PDGFC: variants seen among roughly 807,000 people sequenced by gnomAD.
PDGFC encodes platelet derived growth factor C, also known as platelet-derived growth factor C.
A neutral mutation model predicts 35.5 loss-of-function variants in PDGFC; 12 were observed. The ratio of observed to expected loss-of-function variants is 0.34; its 90% CI spans 0.22 to 0.55. The LOEUF (loss-of-function observed/expected upper bound fraction) is 0.55, where lower values mean the gene tolerates loss of function less well. PDGFC is among the 20% of genes least tolerant of loss of function. The pLI, the probability that PDGFC is intolerant of heterozygous loss-of-function variation, is 0.91. For missense variants in PDGFC, 322 were observed against 412.4 expected (o/e 0.78, Z 1.90); for synonymous variants, 159 against 148.8 (o/e 1.07, Z -0.50).
chr4:156,958,228 T>G (rs1382012215), intron 1 of PDGFC, among the ~76,000 whole-genome samples: 5 of 151,730 alleles, frequency 3.3e-5, no homozygotes, highest in African/African-American at 4.8e-5. Flanking sequence ...ACCTAAGGCA[T>G]AGAAGTGTGA....
chr4:156,798,543 T>A (rs1308645790), intron 3 of PDGFC, among the ~76,000 whole-genome samples: 1 of 152,046 alleles, frequency 6.6e-6, no homozygotes, highest in Admixed American at 6.6e-5. Context: ...GAAGTGAGAG[T>A]TCTTCATATT....
intron 3 of PDGFC, among the ~76,000 whole-genome samples, chr4:156,792,659 A>G (rs142594325): frequency 9.4e-4 from 143 of 152,326 alleles, no homozygotes; most frequent in East Asian, 8.7e-3. Context: ...CTAAAGGCCA[A>G]TTCCACGTAG....
chr4:156,951,742 AAAAAC>A (rs1732088653), intron 1 of PDGFC, among the ~76,000 whole-genome samples: 1 of 151,368 alleles, frequency 6.6e-6, no homozygotes, highest in Non-Finnish European at 1.5e-5. Context: ...AAAAAAAAAA[AAAAAC>A]AAAAAACCCT....
intron 2 of PDGFC, among the ~76,000 whole-genome samples, chr4:156,847,008 TAATAA>T (rs1298712082): frequency 1.3e-5 from 2 of 151,404 alleles, no homozygotes; most frequent in Non-Finnish European, 3.0e-5. Flanking sequence ...ATAACACAAA[TAATAA>T]AATAAATATT....
intron 1 of PDGFC, among the ~76,000 whole-genome samples, chr4:156,905,890 T>C (rs923890833): frequency 6.6e-6 from 1 of 152,052 alleles, no homozygotes; most frequent in Non-Finnish European, 1.5e-5. Context: ...TCACATTTAA[T>C]ATACTGTAGA....
chr4:156,953,680 T>C (rs1354997787), intron 1 of PDGFC, among the ~76,000 whole-genome samples: 3 of 151,938 alleles, frequency 2.0e-5, no homozygotes, highest in Non-Finnish European at 4.4e-5. Flanking sequence ...AAACATGACT[T>C]CTTACCAACA....
At chr4:156,905,852 T>A (rs1321987533) in intron 1 of PDGFC, among the ~76,000 whole-genome samples, 4 of 152,058 alleles carry the variant, frequency 2.6e-5, no homozygotes, top group African/African-American at 9.6e-5. Context: ...TCTGAAACAA[T>A]AAAGCAACAT....
Position 156,901,708 on chromosome 4 carries a change from C to T in PDGFC, c.119-51292G>A, listed in dbSNP as rs572193330. Among the ~76,000 whole-genome samples the T allele has an allele frequency of 8.5e-5, 13 of 152,164 alleles. No homozygotes were observed. In the South Asian group the frequency reaches 1.2e-3, roughly 15 times the overall value. ...CACGATCTCAGCTCACTGCAACCTC[C>T]GCCTCCTGGGGTCAGGTGATTCTCG... On this transcript the variant is annotated intron_variant, in intron 1 of 5. Coordinates refer to ENST00000502773, the MANE Select transcript of PDGFC (RefSeq NM_016205.3).
At chr4:156,937,631 G>T (rs913614375) in intron 1 of PDGFC, among the ~76,000 whole-genome samples, 1 of 152,156 alleles carries the variant, frequency 6.6e-6, no homozygotes, top group African/African-American at 2.4e-5. Context: ...GCCCCAGGAG[G>T]TTGGCGCTGC....
At chr4:156,766,620 T>G (rs1730536992) in intron 5 of PDGFC, among the ~76,000 whole-genome samples, 2 of 152,262 alleles carry the variant, frequency 1.3e-5, no homozygotes, top group South Asian at 4.1e-4. Flanking sequence ...ACCTTTACTT[T>G]TTTCCACTAA....
rs537172488 is a variant in PDGFC at position 156,890,828 on chromosome 4, A to T, written c.119-40412T>A. 1.3e-4 allele frequency among the ~76,000 whole-genome samples: 20 copies of T among 152,344 alleles called. 1 individual carries two copies. In the South Asian group the frequency reaches 3.5e-3, roughly 27 times the overall value. On this transcript the variant is annotated intron_variant, in intron 1 of 5. Coordinates refer to ENST00000502773, the MANE Select transcript of PDGFC (RefSeq NM_016205.3). ...AATATAAATTTAAAGAATATCTTTT[A>T]AAAAGGTAACATTCCCTAAGAGTAT...
intron 2 of PDGFC, among the ~76,000 whole-genome samples, chr4:156,824,522 T>C (rs1732388024): frequency 6.6e-6 from 1 of 152,004 alleles, no homozygotes; most frequent in Non-Finnish European, 1.5e-5. Context: ...TTTTTGTTTC[T>C]GCATTTTGTA....
intron 3 of PDGFC, among the ~76,000 whole-genome samples, chr4:156,800,086 T>C (rs1427202698): frequency 6.6e-6 from 1 of 152,174 alleles, no homozygotes; most frequent in Non-Finnish European, 1.5e-5. Context: ...GGCAGTCTGA[T>C]TTTAAAGAGA....
chr4:156,807,760 T>G (rs1731809443), intron 3 of PDGFC, among the ~76,000 whole-genome samples: 5 of 152,032 alleles, frequency 3.3e-5, no homozygotes, highest in Admixed American at 3.3e-4. Context: ...TCTTTACCTG[T>G]GAAATATAAA....
chr4:156,856,049 A>C (rs1281210044), intron 1 of PDGFC, among the ~76,000 whole-genome samples: 1 of 152,146 alleles, frequency 6.6e-6, no homozygotes, highest in African/African-American at 2.4e-5. Context: ...CTATTAATAT[A>C]AAAGTATAAT....
intron 1 of PDGFC, among the ~76,000 whole-genome samples, chr4:156,881,930 C>T (rs1169103276): frequency 6.6e-6 from 1 of 151,934 alleles, no homozygotes; most frequent in Admixed American, 6.6e-5. Flanking sequence ...TGCCTTCTGC[C>T]ATGATAGTGA....
In PDGFC at chr4:156,906,280, C is replaced by T. The variant is rs1456135080; in HGVS notation, c.119-55864G>A. The stretch of plus-strand genomic sequence containing the variant: ...TGAATACGACAAATTTAAGCTTTCT[C>T]TGCCCTTTTTTCCATTTCAATTATA... On this transcript the variant is annotated intron_variant, in intron 1 of 5. Coordinates refer to ENST00000502773, the MANE Select transcript of PDGFC (RefSeq NM_016205.3). 3.3e-5 allele frequency among the ~76,000 whole-genome samples: 5 copies of T among 152,106 alleles called. 1 individual carries two copies. In the South Asian group the frequency reaches 6.2e-4, roughly 19 times the overall value.
chr4:156,948,345 C>G (rs949574421), intron 1 of PDGFC, among the ~76,000 whole-genome samples: 3 of 151,826 alleles, frequency 2.0e-5, no homozygotes, highest in Non-Finnish European at 4.4e-5. Context: ...CCAAAAACAA[C>G]ATAGATAATT....
intron 3 of PDGFC, among the ~76,000 whole-genome samples, chr4:156,804,201 TAAAA>T (rs1218720529): frequency 1.3e-5 from 2 of 151,282 alleles, no homozygotes; most frequent in Non-Finnish European, 2.9e-5. Flanking sequence ...AAAGTAATTG[TAAAA>T]ATAAATAAAT....
Sources: gnomAD v4.1 joint callset for allele counts (sites outside exome capture counted in the v4.1 genomes callset) on GRCh38, gnomAD v4.1.1 for gene constraint, MANE v1.5 for transcripts, NCBI Gene and HGNC (gene_info 2026-07-23, HGNC 2026-07-21) for gene names.